The following SH3BP2 variants were observed in gnomAD, a reference collection of about 807,000 sequenced individuals.
The protein encoded by SH3BP2 is SH3 domain binding protein 2.
In SH3BP2, 38 loss-of-function variants were observed where a neutral mutation model predicts 56.2. That is an observed-to-expected ratio of 0.68 (90% CI 0.52 to 0.89). SH3BP2 has a LOEUF of 0.89. SH3BP2 is among the 40% of genes least tolerant of loss of function. The probability of loss-of-function intolerance (pLI) is 0.00; values close to 1 mark genes in which losing one functional copy is unlikely to be tolerated. For missense variants in SH3BP2, 748 were observed against 762.6 expected, an observed-to-expected ratio of 0.98 and a Z score of 0.23; for synonymous variants, 346 against 316.7, an observed-to-expected ratio of 1.09 and a Z score of -0.98.
intron 3 of SH3BP2, 89 bp downstream of exon 3, chr4:2,823,126 C>T: frequency 5.3e-6 from 5 of 946,334 alleles, no homozygotes; most frequent in Non-Finnish European, 8.5e-6. Flanking sequence ...CCCCTTATTC[C>T]CGCCCAAGGA....
chr4:2,837,053 C>G lies in SH3BP2; in HGVS notation c.*3219C>G, dbSNP rs1002955660. On this transcript the variant is annotated 3_prime_UTR_variant, in exon 13 of 13. Coordinates refer to ENST00000503393, the MANE Select transcript of SH3BP2 (RefSeq NM_001122681.2). ...GATTTGTATTGTGAAAAGATTTTTT[C>G]TTTTTTTTTTGGGACACAGTCTCAC... 1 of 149,106 alleles carries G rather than the reference C, an allele frequency of 6.7e-6. No homozygotes were observed. The highest frequency in any genetic ancestry group is 2.5e-5 in the African/African-American group (1 of 40,764). The allele number at this position is 149,106 out of a possible 1,614,324, so 9.2% of individuals were successfully genotyped here.
At chr4:2,818,755 C>T in intron 1 of SH3BP2, 1 of 988,580 alleles carries the variant, frequency 1.0e-6, no homozygotes, top group Middle Eastern at 5.2e-4. Context: ...TGGGACCCGC[C>T]CCTGACCCCT....
Position 2,820,699 on chromosome 4 carries a change from G to T in SH3BP2, c.82G>T (p.Ala28Ser). The T allele has an allele frequency of 6.2e-7, 1 of 1,614,146 alleles. No homozygotes were observed. Among genetic ancestry groups the T allele is most frequent in the Non-Finnish European group, 8.5e-7 (1 of 1,179,976 alleles). Reference sequence around the variant, plus strand: ...CCTGCTAACCATGCCTGGGGGCGTGGCCAAGGCTGGCTACCTGCACAAGAA... The same window carrying T: ...CCTGCTAACCATGCCTGGGGGCGTGTCCAAGGCTGGCTACCTGCACAAGAA... The part of the protein sequence containing the change: ...QNLLTMPGGV[A>S]KAGYLHKKGG... The change falls in exon 2 of 13, where the codon GCC becomes TCC. Residue 28 changes from alanine (A) to serine (S), a missense_variant. Physicochemically the swap from Ala to Ser is moderately conservative, Grantham distance 99. Transcript: ENST00000503393.
chr4:2,802,951 C>G (rs905533240), intron 1 of SH3BP2, among the ~76,000 whole-genome samples: 1 of 152,186 alleles, frequency 6.6e-6, no homozygotes, highest in African/African-American at 2.4e-5. Context: ...GGGGGCCACG[C>G]CTGGGCCCCA....
rs1255370908 is a variant in SH3BP2 at position 2,817,614 on chromosome 4, G to T, written c.-4-3000G>T. Among the ~76,000 whole-genome samples, 3 of 152,190 alleles carry T rather than the reference G, an allele frequency of 2.0e-5. No homozygotes were observed. The East Asian group carries it at 5.8e-4, about 29-fold the overall frequency. On this transcript the variant is annotated intron_variant, in intron 1 of 12. Transcript: ENST00000503393. ...CAGGATGCCTGGGAGGCCAGCAAGG[G>T]CCTCTGCCGGCCTTTGGCCACCCCA...
chr4:2,830,068 C>T lies in SH3BP2; in HGVS notation c.1162C>T (p.Leu388=). 6.2e-7 allele frequency: 1 copy of T among 1,611,026 alleles called. No individual in the cohort carries two copies. Among genetic ancestry groups the T allele is most frequent in the Non-Finnish European group, 8.5e-7 (1 of 1,179,514 alleles). Reference sequence around the variant, plus strand: ...CCCCGTGGCTCCCCGGCCTCCTGCGCTGAAGCTGCCAGTGCCTGAGGCCAT... The same window carrying T: ...CCCCGTGGCTCCCCGGCCTCCTGCGTTGAAGCTGCCAGTGCCTGAGGCCAT... The part of the protein sequence containing the change: ...VPPVAPRPPA[L]KLPVPEAMAR... The change falls in exon 8 of 13, where the codon CTG becomes TTG. Residue 388 remains leucine (L), a synonymous_variant. Transcript: ENST00000503393.
In SH3BP2 at chr4:2,840,868, T is replaced by C. The variant is rs894492015; in HGVS notation, c.*7034T>C. On this transcript the variant is annotated 3_prime_UTR_variant, in exon 13 of 13. Coordinates refer to ENST00000503393, the MANE Select transcript of SH3BP2 (RefSeq NM_001122681.2). ...TTTACCTCTCTTTCCATTTGGGTCT[T>C]CTTTAAGGTTTACCAATAGGATTTT... The C allele has an allele frequency of 6.6e-6, 1 of 152,238 alleles. No homozygotes were observed. The highest frequency in any genetic ancestry group is 1.5e-5 in the Non-Finnish European group (1 of 68,042). The allele number at this position is 152,238 out of a possible 1,614,324, so 9.4% of individuals were successfully genotyped here.
At chr4:2,813,620 C>T (rs1443183728) in intron 1 of SH3BP2, among the ~76,000 whole-genome samples, 5 of 152,120 alleles carry the variant, frequency 3.3e-5, no homozygotes, top group African/African-American at 7.2e-5. Context: ...CTTCAGGACA[C>T]GGAGACACAG....
In SH3BP2 at chr4:2,834,158, A is replaced by C; in HGVS notation, c.*324A>C. ...TGGTCCCCCCATCACACTCACCCCTAAGTGGGCTGGGAGCCAGGCAGGGCC... is the reference window on the plus strand; with the variant it reads ...TGGTCCCCCCATCACACTCACCCCTCAGTGGGCTGGGAGCCAGGCAGGGCC... On this transcript the variant is annotated 3_prime_UTR_variant, in exon 13 of 13. Coordinates refer to ENST00000503393, the MANE Select transcript of SH3BP2 (RefSeq NM_001122681.2). 3 of 271,736 alleles carry C rather than the reference A, an allele frequency of 1.1e-5. No homozygotes were observed. Among genetic ancestry groups the C allele is most frequent in the Non-Finnish European group, 2.1e-5 (3 of 142,326 alleles). The allele number at this position is 271,736 out of a possible 1,614,324, so 16.8% of individuals were successfully genotyped here.
chr4:2,815,454 C>T (rs1364453588), intron 1 of SH3BP2, among the ~76,000 whole-genome samples: 5 of 152,216 alleles, frequency 3.3e-5, no homozygotes, highest in East Asian at 1.9e-4. Context: ...CTGCCCACAG[C>T]GGGACAGCAG....
chr4:2,833,244 T>G lies in SH3BP2; in HGVS notation c.1548+195T>G, dbSNP rs376199712. ...CCTCCCTCCTCTCGTGGCCTACCTT[T>G]GTCCTCCACTGACCCTAGTGGGGAT... On this transcript the variant is annotated intron_variant, in intron 12 of 12. Transcript: ENST00000503393. 26 of 656,340 alleles carry G rather than the reference T, an allele frequency of 4.0e-5. 1 individual carries two copies. The East Asian group carries it at 7.1e-4, about 18-fold the overall frequency. 40.7% of individuals were successfully genotyped at this position (656,340 alleles called of 1,614,324 possible).
At chr4:2,807,486 G>A (rs572433372) in intron 1 of SH3BP2, among the ~76,000 whole-genome samples, 2 of 152,202 alleles carry the variant, frequency 1.3e-5, no homozygotes, top group Non-Finnish European at 2.9e-5. Flanking sequence ...GACACATGGG[G>A]TAATGCTGGT....
Position 2,823,155 on chromosome 4 carries a change from G to T in SH3BP2, c.239+118G>T. The stretch of plus-strand genomic sequence containing the variant: ...CCAAGGAAAGTGCTTTCCCGAAGCA[G>T]CCTTCGTGCCCATCCCCTGTCCTCC... On this transcript the variant is annotated intron_variant, in intron 3 of 12. Transcript: ENST00000503393. 3 of 756,990 alleles carry T rather than the reference G, an allele frequency of 4.0e-6. No individual in the cohort carries two copies. In the South Asian group the frequency reaches 4.4e-5, roughly 11 times the overall value. The allele number at this position is 756,990 out of a possible 1,614,324, so 46.9% of individuals were successfully genotyped here.
chr4:2,827,689 T>A lies in SH3BP2; in HGVS notation c.586+15T>A. 1 of 934,648 alleles carries A rather than the reference T, an allele frequency of 1.1e-6. No individual in the cohort carries two copies. Among genetic ancestry groups the A allele is most frequent in the Non-Finnish European group, 1.6e-6 (1 of 614,814 alleles). 57.9% of individuals were successfully genotyped at this position (934,648 alleles called of 1,614,324 possible). A position where few individuals can be genotyped will look rare whatever the true frequency, so the allele number is the denominator to read the frequency against. ...AAGGCTTGAGGGTAGGTGGGGCGGG[T>A]GGGCCCGGGGAGCTCTGGGTGTGTA... On this transcript the variant is annotated intron_variant, in intron 7 of 12. Transcript: ENST00000503393.
rs906602307 is a variant in SH3BP2 at position 2,838,743 on chromosome 4, A to C, written c.*4909A>C. ...GTCCATGGAAGCCAAAAGATTGGAC[A>C]TGCCTGCTGTAGATGGACAGTTGGT... On this transcript the variant is annotated 3_prime_UTR_variant, in exon 13 of 13. Transcript: ENST00000503393. 1 of 152,060 alleles carries C rather than the reference A, an allele frequency of 6.6e-6. No individual in the cohort carries two copies. The highest frequency in any genetic ancestry group is 2.4e-5 in the African/African-American group (1 of 41,346). The allele number at this position is 152,060 out of a possible 1,614,324, so 9.4% of individuals were successfully genotyped here. A position where few individuals can be genotyped will look rare whatever the true frequency, so the allele number is the denominator to read the frequency against.
intron 1 of SH3BP2, among the ~76,000 whole-genome samples, chr4:2,815,760 G>C (rs1272962613): frequency 6.6e-6 from 1 of 152,236 alleles, no homozygotes; most frequent in African/African-American, 2.4e-5. Flanking sequence ...CACCCACAGG[G>C]TGAACATTCC....
intron 1 of SH3BP2, among the ~76,000 whole-genome samples, chr4:2,794,704 C>T (rs1723005541): frequency 6.6e-6 from 1 of 152,230 alleles, no homozygotes; most frequent in East Asian, 1.9e-4. Context: ...CCTCCAGGAT[C>T]ATGGGGGAGC....
intron 1 of SH3BP2, among the ~76,000 whole-genome samples, chr4:2,814,002 A>G (rs1723880616): frequency 6.6e-6 from 1 of 152,180 alleles, no homozygotes; most frequent in South Asian, 2.1e-4. Flanking sequence ...GGCCAACCTG[A>G]TCACCACTAA....
intron 1 of SH3BP2, among the ~76,000 whole-genome samples, chr4:2,802,614 G>GGTGTGTGTATA (rs1723349760): frequency 6.8e-6 from 1 of 146,318 alleles, no homozygotes; most frequent in East Asian, 2.0e-4. Context: ...GTATATATGT[G>GGTGTGTGTATA]TATATATGTG....
Sources: allele counts gnomAD v4.1 joint callset (sites outside exome capture counted in the v4.1 genomes callset), GRCh38; gene constraint gnomAD v4.1.1; transcripts MANE v1.5; gene names NCBI Gene and HGNC (gene_info 2026-07-23, HGNC 2026-07-21).